MGMT: variants seen among roughly 807,000 people sequenced by gnomAD.
MGMT encodes methylated-DNA--protein-cysteine methyltransferase.
Under a neutral mutation model 15.9 loss-of-function variants are expected in MGMT, and 14 were observed. That is an observed-to-expected ratio of 0.88 (90% CI 0.58 to 1.37). MGMT has a LOEUF of 1.37. Among genes scored for constraint, MGMT ranks in the 40% most tolerant of loss-of-function variants. MGMT has a pLI of 0.00. For missense variants in MGMT, 282 were observed against 268.1 expected, an observed-to-expected ratio of 1.05 and a Z score of -0.36; for synonymous variants, 130 against 118.2, an observed-to-expected ratio of 1.10 and a Z score of -0.65.
chr10:129,646,731 TATATATATATA>T lies in MGMT; in HGVS notation c.126-61163_126-61153del, dbSNP rs1847394133. 3.0e-5 allele frequency among the ~76,000 whole-genome samples: 3 copies of T among 100,288 alleles called. No individual in the cohort carries two copies. In the South Asian group the frequency reaches 8.5e-4, roughly 28 times the overall value. 65.8% of individuals were successfully genotyped at this position (100,288 alleles called of 152,430 possible). A position where few individuals can be genotyped will look rare whatever the true frequency, so the allele number is the denominator to read the frequency against. Reference sequence around the variant, plus strand: ...GCTGCCCATCAGAAATATATATATATATATATATATATATATATATATATTTTCAGGGAATG... The same window carrying T: ...GCTGCCCATCAGAAATATATATATATTATATATATATATTTTCAGGGAATG... On this transcript the variant is annotated intron_variant, in intron 2 of 4. Coordinates refer to ENST00000651593, the MANE Select transcript of MGMT (RefSeq NM_002412.5).
chr10:129,492,913 TTC>T (rs1433392709), intron 1 of MGMT, among the ~76,000 whole-genome samples: 1 of 152,262 alleles, frequency 6.6e-6, no homozygotes, highest in Non-Finnish European at 1.5e-5. Flanking sequence ...GATTTCTGCT[TTC>T]TCCTTGGTCA....
chr10:129,766,784 C>G lies in MGMT; in HGVS notation c.415-4C>G. 1 of 1,611,088 alleles carries G rather than the reference C, an allele frequency of 6.2e-7. No homozygotes were observed. The highest frequency in any genetic ancestry group is 8.5e-7 in the Non-Finnish European group (1 of 1,179,304). On this transcript the variant is annotated splice_region_variant and splice_polypyrimidine_tract_variant and intron_variant, in intron 4 of 4. Coordinates refer to ENST00000651593, the MANE Select transcript of MGMT (RefSeq NM_002412.5). ...CTGACAGTGGCTGCCCCCCTGTCTT[C>G]CAGGTCCCCATCCTCATCCCGTGCC...
chr10:129,746,194 GCAC>G (rs1195693547), intron 3 of MGMT, among the ~76,000 whole-genome samples: 3 of 145,240 alleles, frequency 2.1e-5, no homozygotes, highest in Non-Finnish European at 4.5e-5. Context: ...AGCCGAGATC[GCAC>G]CACTTTGCTC....
In MGMT at chr10:129,602,743, C is replaced by A. The variant is rs562704757; in HGVS notation, c.125+66366C>A. Among the ~76,000 whole-genome samples the A allele has an allele frequency of 4.6e-5, 7 of 152,214 alleles. No homozygotes were observed. In the East Asian group the frequency reaches 1.4e-3, roughly 29 times the overall value. On this transcript the variant is annotated intron_variant, in intron 2 of 4. Coordinates refer to ENST00000651593, the MANE Select transcript of MGMT (RefSeq NM_002412.5). ...CCTGGGGGCTGCCACCCTCCCTCCC[C>A]CTCCTTCCTTTCCAGCTCAACATTG...
Position 129,768,264 on chromosome 10 carries a change from T to C in MGMT, c.*1267T>C, listed in dbSNP as rs1292131935. Among the ~76,000 whole-genome samples, 1 of 152,256 alleles carries C rather than the reference T, an allele frequency of 6.6e-6. No homozygotes were observed. Among genetic ancestry groups the C allele is most frequent in the African/African-American group, 2.4e-5 (1 of 41,466 alleles). On this transcript the variant is annotated 3_prime_UTR_variant, in exon 5 of 5. Coordinates refer to ENST00000651593, the MANE Select transcript of MGMT (RefSeq NM_002412.5). ...TCAGACGTTTTTCGCTGATTTATGA[T>C]TTATTATATCCCTTTCTGGCATCAG...
At chr10:129,492,962 A>G (rs1218758619) in intron 1 of MGMT, among the ~76,000 whole-genome samples, 1 of 152,054 alleles carries the variant, frequency 6.6e-6, no homozygotes. Context: ...TTGCCCACAC[A>G]TTTCATAAAT....
At chr10:129,505,406 GTAATT>G (rs1450911268) in intron 1 of MGMT, among the ~76,000 whole-genome samples, 3 of 152,144 alleles carry the variant, frequency 2.0e-5, no homozygotes, top group Admixed American at 1.3e-4. Context: ...AAATACCTGT[GTAATT>G]TAATATTATG....
At chr10:129,599,485 G>A (rs183718680) in intron 2 of MGMT, among the ~76,000 whole-genome samples, 2 of 152,266 alleles carry the variant, frequency 1.3e-5, no homozygotes, top group African/African-American at 4.8e-5. Context: ...CTTGTCTTGC[G>A]CATTTATCAT....
At chr10:129,531,183 A>G (rs1055820321) in intron 1 of MGMT, among the ~76,000 whole-genome samples, 4 of 151,886 alleles carry the variant, frequency 2.6e-5, no homozygotes, top group African/African-American at 9.7e-5. Flanking sequence ...GAAGATCCTG[A>G]TGGGGTCTCA....
chr10:129,643,141 G>A (rs1174575156), intron 2 of MGMT, among the ~76,000 whole-genome samples: 5 of 152,050 alleles, frequency 3.3e-5, no homozygotes, highest in African/African-American at 7.2e-5. Context: ...TGTCTCGTGC[G>A]CTTCCCCTTC....
intron 2 of MGMT, among the ~76,000 whole-genome samples, chr10:129,549,699 T>C (rs1268226778): frequency 6.6e-6 from 1 of 152,194 alleles, no homozygotes; most frequent in Non-Finnish European, 1.5e-5. Flanking sequence ...CTAGAGATGA[T>C]AAAATTTTTT....
At position 129,575,833 on chromosome 10, in the gene MGMT, T is replaced by TA. The variant is rs1240210595; in HGVS notation, c.125+39462dup. Among the ~76,000 whole-genome samples, 7 of 151,738 alleles carry TA rather than the reference T, an allele frequency of 4.6e-5. No homozygotes were observed. The South Asian group carries it at 6.3e-4, about 14-fold the overall frequency. ...AGAGAGAAGAATCAAATAGACGCAA[T>TA]AAAAAATGACAAAGGGGATATCACC... On this transcript the variant is annotated intron_variant, in intron 2 of 4. Coordinates refer to ENST00000651593, the MANE Select transcript of MGMT (RefSeq NM_002412.5).
chr10:129,470,418 C>T (rs770780828), intron 1 of MGMT, among the ~76,000 whole-genome samples: 1 of 152,100 alleles, frequency 6.6e-6, no homozygotes, highest in Non-Finnish European at 1.5e-5. Context: ...CAGCTTATAT[C>T]GGAGGGCTGC....
intron 2 of MGMT, among the ~76,000 whole-genome samples, chr10:129,594,752 C>CCACA (rs1368117265): frequency 6.6e-6 from 1 of 152,212 alleles, no homozygotes; most frequent in African/African-American, 2.4e-5. Flanking sequence ...CTCTCTCCTA[C>CCACA]CACAGATACT....
In MGMT at chr10:129,567,588, A is replaced by C. The variant is rs1413844594; in HGVS notation, c.125+31211A>C. 2.0e-5 allele frequency among the ~76,000 whole-genome samples: 3 copies of C among 152,122 alleles called. No homozygotes were observed. In the East Asian group the frequency reaches 5.8e-4, roughly 29 times the overall value. On this transcript the variant is annotated intron_variant, in intron 2 of 4. Coordinates refer to ENST00000651593, the MANE Select transcript of MGMT (RefSeq NM_002412.5). ...AGGCAGGGAAGTAGCAACCTTATTC[A>C]AGGGGAAAAAAAACCTCCTGGAGTC...
At chr10:129,547,232 G>A (rs1466077364) in intron 2 of MGMT, among the ~76,000 whole-genome samples, 1 of 152,092 alleles carries the variant, frequency 6.6e-6, no homozygotes, top group Non-Finnish European at 1.5e-5. Flanking sequence ...TGATTTCACT[G>A]TATCTGTCTG....
chr10:129,512,491 G>A (rs570695647), intron 1 of MGMT, among the ~76,000 whole-genome samples: 4 of 152,230 alleles, frequency 2.6e-5, no homozygotes, highest in African/African-American at 9.6e-5. Context: ...TCTCTGGAAG[G>A]GTCGTTCTCA....
intron 3 of MGMT, among the ~76,000 whole-genome samples, chr10:129,726,087 A>T (rs1848430626): frequency 1.3e-5 from 2 of 152,014 alleles, no homozygotes; most frequent in African/African-American, 4.8e-5. Flanking sequence ...TCTCAGTGCA[A>T]TGAGGGACCA....
chr10:129,485,679 C>T (rs1845401100), intron 1 of MGMT, among the ~76,000 whole-genome samples: 1 of 152,230 alleles, frequency 6.6e-6, no homozygotes, highest in Non-Finnish European at 1.5e-5. Flanking sequence ...AAACCTGAAG[C>T]ACTTCTGGTT....
Sources: gnomAD v4.1 joint callset for allele counts (sites outside exome capture counted in the v4.1 genomes callset) on GRCh38, gnomAD v4.1.1 for gene constraint, MANE v1.5 for transcripts, NCBI Gene and HGNC (gene_info 2026-07-23, HGNC 2026-07-21) for gene names.